Variants in CCNT2 observed in about 807,000 individuals in gnomAD.
CCNT2 encodes cyclin T2.
CCNT2 carries 18 observed loss-of-function variants against 70.0 expected under a neutral mutation model. The ratio of observed to expected loss-of-function variants is 0.26; its 90% CI spans 0.18 to 0.38. CCNT2 has a LOEUF of 0.38. Ranked by LOEUF, CCNT2 falls within the 10% of genes least tolerant of loss-of-function variation. The pLI is 1.00. For synonymous variants in CCNT2, 334 were observed against 313.3 expected, an observed-to-expected ratio of 1.07 and a Z score of -0.70; for missense variants, 734 against 890.2, an observed-to-expected ratio of 0.82 and a Z score of 2.23.
intron 2 of CCNT2, among the ~76,000 whole-genome samples, chr2:134,935,616 C>T (rs1315534529): frequency 6.6e-6 from 1 of 152,130 alleles, no homozygotes; most frequent in Non-Finnish European, 1.5e-5. Context: ...ATTGTCTTCC[C>T]ATGGGAAATT....
intron 2 of CCNT2, among the ~76,000 whole-genome samples, chr2:134,936,588 T>C (rs1057137658): frequency 6.6e-6 from 1 of 152,008 alleles, no homozygotes; most frequent in Non-Finnish European, 1.5e-5. Flanking sequence ...ACCCTGTCTT[T>C]ACTAAAAATA....
At chr2:134,936,346 C>A (rs1281815457) in intron 2 of CCNT2, among the ~76,000 whole-genome samples, 1 of 152,040 alleles carries the variant, frequency 6.6e-6, no homozygotes, top group Non-Finnish European at 1.5e-5. Flanking sequence ...TAGATTAGTT[C>A]TATTTAATGA....
chr2:134,929,969 G>A (rs569581519), intron 2 of CCNT2, among the ~76,000 whole-genome samples: 2 of 150,168 alleles, frequency 1.3e-5, no homozygotes, highest in Admixed American at 6.6e-5. Context: ...TGTCTTTAAC[G>A]TTAGCTCCTT....
intron 5 of CCNT2, chr2:134,943,297 A>G (rs769446723): frequency 1.4e-5 from 6 of 414,272 alleles, no homozygotes; most frequent in Non-Finnish European, 1.9e-5. Flanking sequence ...ACTATTCAGG[A>G]GGCCAAGGTG....
chr2:134,955,052 A>G lies in CCNT2; in HGVS notation c.*404A>G, dbSNP rs1199088527. The G allele has an allele frequency of 5.9e-6, 1 of 168,240 alleles. No individual in the cohort carries two copies. The highest frequency in any genetic ancestry group is 5.5e-5 in the Admixed American group (1 of 18,106). 10.4% of individuals were successfully genotyped at this position (168,240 alleles called of 1,614,324 possible). A position where few individuals can be genotyped will look rare whatever the true frequency, so the allele number is the denominator to read the frequency against. ...CTTTTGTGTATTTATACTTGTATGT[A>G]TGATTTGCATGTTTCAATGATAAAG... On this transcript the variant is annotated 3_prime_UTR_variant, in exon 9 of 9. Coordinates refer to ENST00000264157, the MANE Select transcript of CCNT2 (RefSeq NM_058241.3).
intron 5 of CCNT2, chr2:134,944,856 C>A: frequency 1.0e-6 from 1 of 985,168 alleles, no homozygotes; most frequent in Non-Finnish European, 1.2e-6. Flanking sequence ...AGATACATGC[C>A]TAGGTGAAAA....
At chr2:134,948,746 ACT>A (rs1682198461) in intron 7 of CCNT2, among the ~76,000 whole-genome samples, 1 of 145,706 alleles carries the variant, frequency 6.9e-6, no homozygotes, top group South Asian at 2.1e-4. Flanking sequence ...AGTCAGTCTC[ACT>A]CTGTCGCCAA....
At chr2:134,940,655 GT>G (rs771577664) in intron 4 of CCNT2, among the ~76,000 whole-genome samples, 2 of 152,188 alleles carry the variant, frequency 1.3e-5, no homozygotes, top group Non-Finnish European at 2.9e-5. Flanking sequence ...GTAAAATGCT[GT>G]GTGACACCTG....
intron 2 of CCNT2, among the ~76,000 whole-genome samples, chr2:134,931,262 C>CTGTTTTTTTTTTTTTTTTTTTTTTTTT: frequency 2.4e-5 from 1 of 42,426 alleles, no homozygotes; most frequent in South Asian, 2.1e-3. Context: ...ATGCCCGGAT[C>CTGTTTTTTTTTTTTTTTTTTTTTTTTT]TTTTTTTTTT....
chr2:134,929,660 T>C lies in CCNT2; in HGVS notation c.241-7181T>C, dbSNP rs923026330. Among the ~76,000 whole-genome samples the C allele has an allele frequency of 5.1e-4, 59 of 115,938 alleles. 1 individual carries two copies. In the East Asian group the frequency reaches 0.012, roughly 24 times the overall value. The allele number at this position is 115,938 out of a possible 152,430, so 76.1% of individuals were successfully genotyped here. A position where few individuals can be genotyped will look rare whatever the true frequency, so the allele number is the denominator to read the frequency against. On this transcript the variant is annotated intron_variant, in intron 2 of 8. Coordinates refer to ENST00000264157, the MANE Select transcript of CCNT2 (RefSeq NM_058241.3). Reference sequence around the variant, plus strand: ...GAACTAATAAATAGATGCCTTTTTTTTTTTTTTGAGACGGAATCTTGCTGT... The same window carrying C: ...GAACTAATAAATAGATGCCTTTTTTCTTTTTTTGAGACGGAATCTTGCTGT...
chr2:134,926,734 G>GT (rs1372419066), intron 2 of CCNT2, among the ~76,000 whole-genome samples: 2 of 152,190 alleles, frequency 1.3e-5, no homozygotes, highest in African/African-American at 4.8e-5. Flanking sequence ...ATAGTAGCCT[G>GT]TTTTTTCCTC....
intron 2 of CCNT2, among the ~76,000 whole-genome samples, chr2:134,929,650 T>TG (rs1680588963): frequency 1.8e-5 from 1 of 54,740 alleles, no homozygotes; most frequent in African/African-American, 8.8e-5. Flanking sequence ...AATAAATAGA[T>TG]GCCTTTTTTT....
At chr2:134,951,390 CATT>C (rs1475859206) in intron 7 of CCNT2, among the ~76,000 whole-genome samples, 2 of 152,090 alleles carry the variant, frequency 1.3e-5, no homozygotes, top group African/African-American at 2.4e-5. Context: ...CTATTAATGA[CATT>C]ATTAGTTCAT....
At chr2:134,929,403 C>G (rs1304187318) in intron 2 of CCNT2, among the ~76,000 whole-genome samples, 1 of 151,718 alleles carries the variant, frequency 6.6e-6, no homozygotes, top group Non-Finnish European at 1.5e-5. Context: ...GACTTCAAGA[C>G]CAGCCTGGGC....
chr2:134,932,726 G>A (rs1238218767), intron 2 of CCNT2, among the ~76,000 whole-genome samples: 1 of 152,176 alleles, frequency 6.6e-6, no homozygotes, highest in African/African-American at 2.4e-5. Context: ...ACAATGTGCT[G>A]GAATTTTGGT....
intron 7 of CCNT2, 50 bp from the exon 8 acceptor site, chr2:134,952,591 T>C: frequency 8.5e-7 from 1 of 1,172,098 alleles, no homozygotes; most frequent in South Asian, 1.4e-5. Flanking sequence ...TAAGAGAAAT[T>C]TAAATCCTAA....
chr2:134,954,174 C>T lies in CCNT2; in HGVS notation c.1719C>T (p.His573=). The change falls in exon 9 of 9, where the codon CAC becomes CAT. Residue 573 remains histidine (H), a synonymous_variant. Coordinates refer to ENST00000264157, the MANE Select transcript of CCNT2 (RefSeq NM_058241.3). The stretch of plus-strand genomic sequence containing the variant: ...CAAGCCGCCACCACACCAGCAGCCA[C>T]AAGCATTCCCACTCGCATAGTGGCA... The part of the protein sequence containing the change: ...HPSSRHHTSS[H]KHSHSHSGSS... 1 of 1,614,206 alleles carries T rather than the reference C, an allele frequency of 6.2e-7. No individual in the cohort carries two copies. Among genetic ancestry groups the T allele is most frequent in the Non-Finnish European group, 8.5e-7 (1 of 1,180,042 alleles).
At chr2:134,943,382 C>T (rs1681709171) in intron 5 of CCNT2, 2 of 938,084 alleles carry the variant, frequency 2.1e-6, no homozygotes, top group African/African-American at 3.5e-5. Context: ...CCTTGGGCAG[C>T]AAGAGTGAGA....
chr2:134,930,115 A>G (rs531711769), intron 2 of CCNT2, among the ~76,000 whole-genome samples: 102 of 152,260 alleles, frequency 6.7e-4, no homozygotes, highest in African/African-American at 2.2e-3. Flanking sequence ...TATCACCCCA[A>G]AAAGAAACCT....
Sources: allele counts gnomAD v4.1 joint callset (sites outside exome capture counted in the v4.1 genomes callset), GRCh38; gene constraint gnomAD v4.1.1; transcripts MANE v1.5; gene names NCBI Gene and HGNC (gene_info 2026-07-23, HGNC 2026-07-21).